Variants in KIF5A observed in about 807,000 individuals in gnomAD.
KIF5A encodes the protein kinesin family member 5A.
A neutral mutation model predicts 141.3 loss-of-function variants in KIF5A; 35 were observed. That is an observed-to-expected ratio of 0.25 (90% CI 0.19 to 0.33). KIF5A has a LOEUF of 0.33. KIF5A is among the 10% of genes least tolerant of loss of function. The pLI, the probability that KIF5A is intolerant of heterozygous loss-of-function variation, is 1.00. For missense variants in KIF5A, 861 were observed against 1,314.3 expected, an observed-to-expected ratio of 0.66 and a Z score of 5.33; for synonymous variants, 448 against 500.2, an observed-to-expected ratio of 0.90 and a Z score of 1.39.
In KIF5A at chr12:57,575,643, G is replaced by A. The variant is rs754718000; in HGVS notation, c.1909G>A (p.Glu637Lys). 14 of 1,614,038 alleles carry A rather than the reference G, an allele frequency of 8.7e-6. No homozygotes were observed. The highest frequency in any genetic ancestry group is 8.5e-6 in the Non-Finnish European group (10 of 1,179,910). Residue 637 changes from glutamate (E) to lysine (K), a missense_variant, in exon 17 of 29, where the codon GAG (glutamate) becomes AAG (lysine). This residue lies in a region of KIF5A where 482 missense variants were observed against 661.3 expected (regional missense o/e 0.73). Transcript: ENST00000455537. ...SSCQLLISQH[E>K]AKIRSLTEYM... ...CTCACCAACTTTCTCCCACCAGCAT[G>A]AGGCCAAGATCCGCTCGCTTACGGA... is the stretch of plus-strand genomic sequence containing the variant.
chr12:57,578,588 C>G (rs530063817), intron 23 of KIF5A, among the ~76,000 whole-genome samples: 1 of 152,262 alleles, frequency 6.6e-6, no homozygotes, highest in Admixed American at 6.5e-5. Flanking sequence ...ATTCCCCAGG[C>G]CTACCTTGGA....
chr12:57,555,622 AC>A (rs1881707849), intron 1 of KIF5A, among the ~76,000 whole-genome samples: 1 of 151,854 alleles, frequency 6.6e-6, no homozygotes, highest in African/African-American at 2.4e-5. Context: ...AATTAAAAAA[AC>A]AAATTGGCTG....
intron 23 of KIF5A, among the ~76,000 whole-genome samples, chr12:57,578,943 A>G (rs557022113): frequency 6.6e-6 from 1 of 152,302 alleles, no homozygotes; most frequent in Admixed American, 6.5e-5. Flanking sequence ...ACACACCCAT[A>G]GTCCCAGCTA....
rs1882281768 is a variant in KIF5A at position 57,572,324 on chromosome 12, G to A, written c.1569+57G>A. On this transcript the variant is annotated intron_variant, in intron 14 of 28. Transcript: ENST00000455537. The surrounding 1 kb of genome is among the most constrained non-coding windows in gnomAD (Gnocchi z 4.2). The stretch of plus-strand genomic sequence containing the variant: ...CTGACCACAGAACATCTCCCATGTC[G>A]AGGGGACCTCTGCATCCTTCCAGGG... The A allele has an allele frequency of 1.5e-5, 23 of 1,521,082 alleles. No homozygotes were observed. The highest frequency in any genetic ancestry group is 1.8e-5 in the Non-Finnish European group (20 of 1,119,014). 94.2% of individuals were successfully genotyped at this position (1,521,082 alleles called of 1,614,324 possible). A position where few individuals can be genotyped will look rare whatever the true frequency, so the allele number is the denominator to read the frequency against.
At position 57,575,764 on chromosome 12, in the gene KIF5A, C is replaced by G. The variant is rs757331201; in HGVS notation, c.2023+7C>G. 1 of 1,561,114 alleles carries G rather than the reference C, an allele frequency of 6.4e-7. No individual in the cohort carries two copies. Among genetic ancestry groups the G allele is most frequent in the Non-Finnish European group, 8.8e-7 (1 of 1,131,618 alleles). On this transcript the variant is annotated splice_region_variant and intron_variant, in intron 17 of 28. Coordinates refer to ENST00000455537, the MANE Select transcript of KIF5A (RefSeq NM_004984.4). ...GCCAAGCTCCAGGCCCAGGGTGAGG[C>G]CTTCTTATACCTCCATCCCACTGTC...
At chr12:57,569,910 A>G (rs1882192433) in intron 11 of KIF5A, 77 bp from the exon 12 acceptor site, 3 of 1,526,062 alleles carry the variant, frequency 2.0e-6, no homozygotes, top group African/African-American at 2.7e-5. Context: ...TTCAAGGGGC[A>G]TGGTGAGTGA....
Position 57,569,556 on chromosome 12 carries a change from T to C in KIF5A, c.990T>C (p.Thr330=). The change falls in exon 11 of 29, where the codon ACT becomes ACC. Residue 330 remains threonine (T), a synonymous_variant. Transcript: ENST00000455537. The part of the protein sequence containing the change: ...FGQRAKTIKN[T]ASVNLELTAE... ...CCAGGGCAAAGACCATTAAGAACAC[T>C]GCCTCAGTAAATTTGGAGTTGACTG... 1 of 1,614,152 alleles carries C rather than the reference T, an allele frequency of 6.2e-7. No individual in the cohort carries two copies. The highest frequency in any genetic ancestry group is 8.5e-7 in the Non-Finnish European group (1 of 1,180,036).
Position 57,564,153 on chromosome 12 carries a change from G to T in KIF5A, c.337G>T (p.Ala113Ser). The change falls in exon 4 of 29, where the codon GCC becomes TCC. Residue 113 changes from alanine (A) to serine (S), a missense_variant. Transcript: ENST00000455537. Reference protein sequence around the residue: ...PQLMGIIPRIARDIFNHIYSM... With the variant: ...PQLMGIIPRISRDIFNHIYSM... ...GCTGATGGGAATCATTCCTCGAATT[G>T]CCCGAGACATCTTCAACCACATCTA... The T allele has an allele frequency of 1.2e-6, 2 of 1,614,022 alleles. No individual in the cohort carries two copies. The highest frequency in any genetic ancestry group is 1.7e-6 in the Non-Finnish European group (2 of 1,180,000).
intron 12 of KIF5A, among the ~76,000 whole-genome samples, chr12:57,570,852 G>A (rs145298625): frequency 1.0e-3 from 154 of 152,162 alleles, no homozygotes; most frequent in Middle Eastern, 3.4e-3. Context: ...GTGCAGTGGT[G>A]CAGTAATAGC....
At chr12:57,565,282 G>C (rs769280989) in intron 6 of KIF5A, among the ~76,000 whole-genome samples, 19 of 151,982 alleles carry the variant, frequency 1.3e-4, no homozygotes, top group Admixed American at 4.6e-4. Context: ...TTAACTGGGC[G>C]TGGTGGCACA....
intron 27 of KIF5A, 46 bp downstream of exon 27, chr12:57,582,675 A>G: frequency 2.7e-6 from 4 of 1,499,594 alleles, no homozygotes; most frequent in Non-Finnish European, 3.7e-6. Flanking sequence ...TGGGACCAGA[A>G]GAAATGATTA....
Position 57,572,382 on chromosome 12 carries a change from C to G in KIF5A, c.1569+115C>G. The G allele has an allele frequency of 7.9e-7, 1 of 1,273,164 alleles. No individual in the cohort carries two copies. The highest frequency in any genetic ancestry group is 2.0e-4 in the Middle Eastern group (1 of 4,954). The allele number at this position is 1,273,164 out of a possible 1,614,324, so 78.9% of individuals were successfully genotyped here. A position where few individuals can be genotyped will look rare whatever the true frequency, so the allele number is the denominator to read the frequency against. On this transcript the variant is annotated intron_variant, in intron 14 of 28. Transcript: ENST00000455537. The surrounding 1 kb of genome is among the most constrained non-coding windows in gnomAD (Gnocchi z 4.2). ...GTGGCTGCACCTCTGCACTGCTGTT[C>G]AGTGCATTGTGAGTCCCTCCCCAAC...
intron 26 of KIF5A, among the ~76,000 whole-genome samples, chr12:57,582,369 G>A (rs1485672238): frequency 1.3e-5 from 2 of 152,038 alleles, no homozygotes; most frequent in East Asian, 3.9e-4. Flanking sequence ...CTATTACCAC[G>A]CCAATCCCAG....
Position 57,584,694 on chromosome 12 carries a change from C to T in KIF5A, c.*513C>T, listed in dbSNP as rs1035021706. ...TAGCATCATGAGACAGAGAAATAGA[C>T]TCTTCCTCCCTCCTCTTTCACATAT... On this transcript the variant is annotated 3_prime_UTR_variant, in exon 29 of 29. Coordinates refer to ENST00000455537, the MANE Select transcript of KIF5A (RefSeq NM_004984.4). 1.3e-5 allele frequency: 2 copies of T among 152,620 alleles called. No homozygotes were observed. The highest frequency in any genetic ancestry group is 3.9e-4 in the East Asian group (2 of 5,192). 9.5% of individuals were successfully genotyped at this position (152,620 alleles called of 1,614,324 possible).
At chr12:57,580,745 C>G (rs1882569595) in intron 23 of KIF5A, among the ~76,000 whole-genome samples, 1 of 152,176 alleles carries the variant, frequency 6.6e-6, no homozygotes, top group South Asian at 2.1e-4. Flanking sequence ...GACCACCCAC[C>G]CTTCGCTCTG....
At position 57,581,156 on chromosome 12, in the gene KIF5A, C is replaced by A. The variant is rs1435453925; in HGVS notation, c.2739C>A (p.Gly913=). ...GCTACAAGAGCTCGGGCAAACGGGGCCATTCTGCCCAGATTGGTGAGTAGG... is the reference window on the plus strand; with the variant it reads ...GCTACAAGAGCTCGGGCAAACGGGGACATTCTGCCCAGATTGGTGAGTAGG... ...AVRYKSSGKR[G]HSAQIAKPVR... is the part of the protein sequence containing the mutation. The change falls in exon 24 of 29, where the codon GGC becomes GGA. Residue 913 remains glycine (G), a synonymous_variant. Coordinates refer to ENST00000455537, the MANE Select transcript of KIF5A (RefSeq NM_004984.4). The A allele has an allele frequency of 2.5e-6, 4 of 1,613,594 alleles. No individual in the cohort carries two copies. Among genetic ancestry groups the A allele is most frequent in the Non-Finnish European group, 3.4e-6 (4 of 1,179,866 alleles).
At chr12:57,575,472 C>T (rs1263366213) in intron 16 of KIF5A, among the ~76,000 whole-genome samples, 168 bp from the exon 17 acceptor site, 1 of 152,126 alleles carries the variant, frequency 6.6e-6, no homozygotes, top group Non-Finnish European at 1.5e-5. Context: ...CCCCCTGAGC[C>T]ATGGGAGCTA....
chr12:57,575,672 C>T lies in KIF5A; in HGVS notation c.1938C>T (p.Tyr646=), dbSNP rs757530547. Residue 646 remains tyrosine, a synonymous_variant, in exon 17 of 29, where the codon TAC becomes TAT. Coordinates refer to ENST00000455537, the MANE Select transcript of KIF5A (RefSeq NM_004984.4). ...HEAKIRSLTE[Y]MQSVELKKRH... Reference sequence around the variant, plus strand: ...CCAAGATCCGCTCGCTTACGGAATACATGCAGAGCGTGGAGCTAAAGAAGC... The same window carrying T: ...CCAAGATCCGCTCGCTTACGGAATATATGCAGAGCGTGGAGCTAAAGAAGC... 4 of 1,614,052 alleles carry T rather than the reference C, an allele frequency of 2.5e-6. No homozygotes were observed. Among genetic ancestry groups the T allele is most frequent in the East Asian group, 2.2e-5 (1 of 44,898 alleles).
At chr12:57,554,455 T>C (rs1345897523) in intron 1 of KIF5A, among the ~76,000 whole-genome samples, 2 of 152,204 alleles carry the variant, frequency 1.3e-5, no homozygotes, top group Non-Finnish European at 2.9e-5. Context: ...TTGACAAAAT[T>C]GGGAAGTGGG....
Sources: allele counts gnomAD v4.1 joint callset (sites outside exome capture counted in the v4.1 genomes callset), GRCh38; gene constraint gnomAD v4.1.1; regional missense constraint gnomAD v4.1.1; non-coding constraint Gnocchi (gnomAD v3.1); transcripts MANE v1.5; gene names NCBI Gene and HGNC (gene_info 2026-07-23, HGNC 2026-07-21).